Variants in SDK1 observed in about 807,000 individuals in gnomAD.
SDK1 encodes sidekick cell adhesion molecule 1, also known as protein sidekick-1.
In SDK1, 157 loss-of-function variants were observed where a neutral mutation model predicts 245.5. That is an observed-to-expected ratio of 0.64 (90% CI 0.56 to 0.73). The LOEUF is 0.73. Among genes scored for constraint, SDK1 ranks in the 30% least tolerant of loss-of-function variants. The pLI is 0.00. For synonymous variants in SDK1, 1,647 were observed against 1,278.5 expected, an observed-to-expected ratio of 1.29 and a Z score of -6.15; for missense variants, 3,583 against 3,002.3, an observed-to-expected ratio of 1.19 and a Z score of -4.52.
chr7:3,553,009 G>A (rs1779464694), intron 1 of SDK1, among the ~76,000 whole-genome samples: 1 of 151,710 alleles, frequency 6.6e-6, no homozygotes, highest in Non-Finnish European at 1.5e-5. Context: ...ATTAGTTGAA[G>A]AACATTTGGA....
chr7:4,214,341 C>A (rs1784669998), intron 38 of SDK1, among the ~76,000 whole-genome samples: 1 of 152,248 alleles, frequency 6.6e-6, no homozygotes, highest in Admixed American at 6.5e-5. Context: ...GGGCCTGTCT[C>A]TCCCCTGGAT....
intron 1 of SDK1, among the ~76,000 whole-genome samples, chr7:3,491,714 C>G (rs1256405637): frequency 6.6e-6 from 1 of 152,164 alleles, no homozygotes; most frequent in Admixed American, 6.5e-5. Context: ...TCTCTTTGCT[C>G]TACTGAAGGT....
At chr7:3,921,360 G>C (rs1314715089) in intron 5 of SDK1, among the ~76,000 whole-genome samples, 1 of 152,016 alleles carries the variant, frequency 6.6e-6, no homozygotes, top group African/African-American at 2.4e-5. Context: ...TTATTAACCT[G>C]TCTCCATCAT....
intron 40 of SDK1, among the ~76,000 whole-genome samples, chr7:4,224,190 A>T (rs1785288974): frequency 6.6e-6 from 1 of 152,188 alleles, no homozygotes; most frequent in Non-Finnish European, 1.5e-5. Flanking sequence ...ACATTGCCAT[A>T]AAGAAATGTC....
intron 5 of SDK1, among the ~76,000 whole-genome samples, chr7:3,882,549 A>C (rs1403853058): frequency 6.6e-6 from 1 of 152,234 alleles, no homozygotes; most frequent in Non-Finnish European, 1.5e-5. Context: ...TTTAGAATGT[A>C]TGATGATCTG....
chr7:4,136,020 G>A (rs893652828), intron 28 of SDK1, among the ~76,000 whole-genome samples: 6 of 152,208 alleles, frequency 3.9e-5, no homozygotes, highest in Non-Finnish European at 1.5e-5. Context: ...TGTTCCTAAA[G>A]TGCGTCGGGA....
chr7:3,989,398 A>G (rs976177854), intron 14 of SDK1, among the ~76,000 whole-genome samples: 4 of 151,958 alleles, frequency 2.6e-5, no homozygotes, highest in African/African-American at 9.7e-5. Flanking sequence ...CCCTCCCACA[A>G]CTCATGGGAG....
intron 5 of SDK1, among the ~76,000 whole-genome samples, chr7:3,823,658 T>C (rs763670811): frequency 6.6e-6 from 1 of 152,214 alleles, no homozygotes; most frequent in Non-Finnish European, 1.5e-5. Flanking sequence ...ATTAACTGGG[T>C]TGCATTTTGT....
intron 7 of SDK1, chr7:3,952,204 T>C: frequency 2.3e-6 from 1 of 431,540 alleles, no homozygotes; most frequent in East Asian, 5.2e-5. Context: ...GTCATATAGA[T>C]CCCTCTCCTA....
intron 14 of SDK1, among the ~76,000 whole-genome samples, chr7:4,001,630 C>G (rs901966253): frequency 6.6e-6 from 1 of 152,214 alleles, no homozygotes; most frequent in Non-Finnish European, 1.5e-5. Context: ...GCATTTTAAT[C>G]CTGAGCTTGT....
intron 35 of SDK1, among the ~76,000 whole-genome samples, chr7:4,191,606 C>G (rs1015069023): frequency 5.3e-5 from 8 of 152,222 alleles, no homozygotes; most frequent in African/African-American, 1.4e-4. Flanking sequence ...ACGGGCCTGC[C>G]CTTCAGCTGC....
chr7:4,014,984 A>G (rs1259992185), intron 16 of SDK1, among the ~76,000 whole-genome samples: 3 of 151,976 alleles, frequency 2.0e-5, no homozygotes, highest in Non-Finnish European at 4.4e-5. Context: ...GGCCCCAGAG[A>G]AGTTGGGTGG....
At chr7:3,356,548 T>G (rs6971287) in intron 1 of SDK1, among the ~76,000 whole-genome samples, 80,757 of 151,714 alleles carry the variant, frequency 0.53, 23,046 homozygotes, top group African/African-American at 0.76. Context: ...AGTTTTCTCT[T>G]TCCAATGTTT....
chr7:4,221,596 C>G (rs1159803902), intron 40 of SDK1, among the ~76,000 whole-genome samples: 1 of 152,132 alleles, frequency 6.6e-6, no homozygotes, highest in African/African-American at 2.4e-5. Context: ...GATGTTTTAG[C>G]CCCAGGACAC....
chr7:3,616,206 AATCATC>A (rs373064095), intron 1 of SDK1, among the ~76,000 whole-genome samples: 1 of 151,896 alleles, frequency 6.6e-6, no homozygotes, highest in African/African-American at 2.4e-5. Context: ...AGTAAGAGCT[AATCATC>A]ATCATCATCA....
intron 1 of SDK1, among the ~76,000 whole-genome samples, chr7:3,323,860 G>C (rs1399838926): frequency 6.6e-6 from 1 of 152,180 alleles, no homozygotes; most frequent in African/African-American, 2.4e-5. Flanking sequence ...AGTGTTTATA[G>C]TTTATTGATC....
intron 4 of SDK1, among the ~76,000 whole-genome samples, chr7:3,644,787 A>AAAAC (rs1782772090): frequency 2.1e-5 from 2 of 94,260 alleles, no homozygotes; most frequent in Non-Finnish European, 5.1e-5. Context: ...AAAAAAAAAA[A>AAAAC]AAAAACAAAA....
intron 1 of SDK1, among the ~76,000 whole-genome samples, chr7:3,613,427 T>G (rs73039613): frequency 6.6e-6 from 1 of 152,318 alleles, no homozygotes; most frequent in Non-Finnish European, 1.5e-5. Context: ...TGATGTTGTG[T>G]AAGCCTTCCT....
chr7:3,592,769 T>C (rs1275664324), intron 1 of SDK1, among the ~76,000 whole-genome samples: 2 of 152,180 alleles, frequency 1.3e-5, no homozygotes, highest in African/African-American at 4.8e-5. Context: ...CTATCGTAGC[T>C]CCAGAATCTG....
Sources: gnomAD v4.1 joint callset for allele counts (sites outside exome capture counted in the v4.1 genomes callset) on GRCh38, gnomAD v4.1.1 for gene constraint, MANE v1.5 for transcripts, NCBI Gene and HGNC (gene_info 2026-07-23, HGNC 2026-07-21) for gene names.